TBXAS1: variants seen among roughly 807,000 people sequenced by gnomAD.
TBXAS1 encodes thromboxane-A synthase.
In TBXAS1, 48 loss-of-function variants were observed where a neutral mutation model predicts 60.7. That is an observed-to-expected ratio of 0.79 (90% CI 0.63 to 1.01). TBXAS1 has a LOEUF of 1.01. TBXAS1 is among the 50% of genes least tolerant of loss of function. TBXAS1 has a pLI of 0.00. For synonymous variants in TBXAS1, 287 were observed against 269.7 expected, an observed-to-expected ratio of 1.06 and a Z score of -0.63; for missense variants, 685 against 686.3, an observed-to-expected ratio of 1.00 and a Z score of 0.02.
chr7:139,909,646 A>G (rs1047706700), intron 3 of TBXAS1, among the ~76,000 whole-genome samples: 7 of 152,148 alleles, frequency 4.6e-5, no homozygotes, highest in African/African-American at 1.7e-4. Context: ...ATTGTTTTCC[A>G]TAGTTAATGA....
chr7:139,966,891 C>A (rs1278092723), intron 9 of TBXAS1, among the ~76,000 whole-genome samples: 3 of 152,056 alleles, frequency 2.0e-5, no homozygotes, highest in Non-Finnish European at 2.9e-5. Context: ...CCCTGCTGGG[C>A]CCCTTTCTCC....
At chr7:139,863,978 A>G (rs1046956627) in intron 1 of TBXAS1, among the ~76,000 whole-genome samples, 7 of 152,214 alleles carry the variant, frequency 4.6e-5, no homozygotes, top group African/African-American at 9.6e-5. Flanking sequence ...CTCACACTTA[A>G]TTTTGAAACA....
chr7:140,015,317 G>A (rs1814939595), intron 10 of TBXAS1, among the ~76,000 whole-genome samples: 2 of 152,148 alleles, frequency 1.3e-5, no homozygotes, highest in Admixed American at 1.3e-4. Context: ...AGGCTTGGCT[G>A]TGAATGGGAA....
intron 9 of TBXAS1, among the ~76,000 whole-genome samples, chr7:139,986,074 A>C (rs1271751567): frequency 1.3e-5 from 2 of 152,248 alleles, no homozygotes; most frequent in Non-Finnish European, 2.9e-5. Flanking sequence ...CCACCTAAAC[A>C]GGCTGGCGGG....
intron 3 of TBXAS1, among the ~76,000 whole-genome samples, chr7:139,784,510 G>A (rs1259633255): frequency 6.6e-6 from 1 of 152,230 alleles, no homozygotes; most frequent in Non-Finnish European, 1.5e-5. Flanking sequence ...GGCAAGGAGT[G>A]TGTTTGGGGC....
At chr7:139,816,376 G>A (rs1018454940) in intron 4 of TBXAS1, among the ~76,000 whole-genome samples, 4 of 152,190 alleles carry the variant, frequency 2.6e-5, no homozygotes, top group Non-Finnish European at 5.9e-5. Context: ...ATACAGAATC[G>A]AAAGAGTTGC....
In TBXAS1 at chr7:139,872,267, A is replaced by G; in HGVS notation, c.122A>G (p.Lys41Arg). The G allele has an allele frequency of 6.2e-7, 1 of 1,614,050 alleles. No homozygotes were observed. The highest frequency in any genetic ancestry group is 1.7e-5 in the Admixed American group (1 of 60,020). ...YSTSAFSRLE[K>R]LGLRHPKPSP... Reference sequence around the variant, plus strand: ...ACATCAGCATTCTCAAGACTGGAGAAGTTAGGCCTCAGACATCCCAAGCCT... The same window carrying G: ...ACATCAGCATTCTCAAGACTGGAGAGGTTAGGCCTCAGACATCCCAAGCCT... Residue 41 changes from lysine to arginine, a missense_variant, in exon 2 of 13, where the codon AAG (lysine) becomes AGG (arginine). Transcript: ENST00000448866.
chr7:139,912,282 A>G (rs1269692653), intron 4 of TBXAS1, among the ~76,000 whole-genome samples: 2 of 147,434 alleles, frequency 1.4e-5, no homozygotes, highest in Admixed American at 1.3e-4. Context: ...ATAAAGAATG[A>G]AAAAATGGCA....
intron 4 of TBXAS1, among the ~76,000 whole-genome samples, chr7:139,790,243 A>G (rs1797340522): frequency 6.6e-6 from 1 of 152,250 alleles, no homozygotes; most frequent in African/African-American, 2.4e-5. Flanking sequence ...GCATTAGTTT[A>G]AAATGCAAGT....
intron 9 of TBXAS1, among the ~76,000 whole-genome samples, chr7:139,989,869 C>T (rs116208317): frequency 0.012 from 1,831 of 152,282 alleles, 38 homozygotes; most frequent in African/African-American, 0.042. Context: ...GCCTGTCCTG[C>T]CTTATAAGGA....
At chr7:139,788,041 A>AT (rs1384166176) in intron 4 of TBXAS1, among the ~76,000 whole-genome samples, 17 of 152,362 alleles carry the variant, frequency 1.1e-4, no homozygotes, top group African/African-American at 4.1e-4. Flanking sequence ...ATGAATGTAA[A>AT]CAACAGTTCA....
At chr7:140,001,051 C>G (rs968302924) in intron 9 of TBXAS1, among the ~76,000 whole-genome samples, 2 of 152,188 alleles carry the variant, frequency 1.3e-5, no homozygotes, top group African/African-American at 4.8e-5. Flanking sequence ...GTTACAGACC[C>G]GGAACAGAAC....
intron 9 of TBXAS1, among the ~76,000 whole-genome samples, chr7:139,981,277 G>A (rs1011168627): frequency 2.0e-5 from 3 of 151,980 alleles, no homozygotes; most frequent in Admixed American, 6.6e-5. Context: ...CCCCATGCCC[G>A]GCTAATTTTT....
intron 3 of TBXAS1, among the ~76,000 whole-genome samples, chr7:139,878,778 T>C (rs1024798688): frequency 6.6e-6 from 1 of 152,234 alleles, no homozygotes; most frequent in Non-Finnish European, 1.5e-5. Context: ...TTATTTTATT[T>C]TTTATTTTAC....
chr7:139,982,338 G>A (rs1172519844), intron 9 of TBXAS1, among the ~76,000 whole-genome samples: 2 of 152,160 alleles, frequency 1.3e-5, no homozygotes, highest in Non-Finnish European at 1.5e-5. Flanking sequence ...CTGTTTTATG[G>A]AGAAAGGCAC....
intron 4 of TBXAS1, among the ~76,000 whole-genome samples, chr7:139,925,555 AG>A (rs1162542435): frequency 6.6e-6 from 1 of 152,164 alleles, no homozygotes; most frequent in Non-Finnish European, 1.5e-5. Flanking sequence ...TGGAGTCTTT[AG>A]GTTTTTCTAA....
At chr7:139,912,301 T>G (rs1298033246) in intron 4 of TBXAS1, among the ~76,000 whole-genome samples, 1 of 151,754 alleles carries the variant, frequency 6.6e-6, no homozygotes, top group African/African-American at 2.4e-5. Flanking sequence ...CAGATATCAG[T>G]GCTAACCATT....
intron 4 of TBXAS1, among the ~76,000 whole-genome samples, chr7:139,915,746 A>C (rs777379740): frequency 2.1e-4 from 32 of 152,244 alleles, no homozygotes; most frequent in Non-Finnish European, 4.1e-4. Flanking sequence ...AACATTGAAC[A>C]AATGTGTGAA....
In TBXAS1 at chr7:139,980,174, C is replaced by T. The variant is rs147887820; in HGVS notation, c.1134+17941C>T. On this transcript the variant is annotated intron_variant, in intron 9 of 12. Coordinates refer to ENST00000448866, the MANE Select transcript of TBXAS1 (RefSeq NM_001061.7). ...TGAGCCATAATTTAGCAAAACAAAT[C>T]CTGCTCATTGCGGGCATCTAAATGG... 4.9e-3 allele frequency among the ~76,000 whole-genome samples: 739 copies of T among 152,236 alleles called. 6 individuals carry two copies. Among genetic ancestry groups the T allele is most frequent in the African/African-American group, 0.017 (716 of 41,512 alleles).
Sources: gnomAD v4.1 joint callset for allele counts (sites outside exome capture counted in the v4.1 genomes callset) on GRCh38, gnomAD v4.1.1 for gene constraint, MANE v1.5 for transcripts, NCBI Gene and HGNC (gene_info 2026-07-23, HGNC 2026-07-21) for gene names.